SV2B: variants seen among roughly 807,000 people sequenced by gnomAD.
The protein encoded by SV2B is synaptic vesicle glycoprotein 2B, also known as solute carrier family 22 member B2.
SV2B carries 41 observed loss-of-function variants against 73.9 expected under a neutral mutation model. The observed-to-expected ratio is 0.56, with a 90% CI of 0.43 to 0.72. SV2B has a LOEUF of 0.72. Among genes scored for constraint, SV2B ranks in the 30% least tolerant of loss-of-function variants. The pLI, the probability that SV2B is intolerant of heterozygous loss-of-function variation, is 0.00. For missense variants in SV2B, 764 were observed against 857.8 expected, an observed-to-expected ratio of 0.89 and a Z score of 1.37; for synonymous variants, 314 against 314.2, an observed-to-expected ratio of 1.00 and a Z score of 0.01.
Position 91,263,150 on chromosome 15 carries a change from G to A in SV2B, c.1008+2741G>A, listed in dbSNP as rs553696036. Among the ~76,000 whole-genome samples, 63 of 146,262 alleles carry A rather than the reference G, an allele frequency of 4.3e-4. No individual in the cohort carries two copies. In the East Asian group the frequency reaches 6.0e-3, roughly 14 times the overall value. ...GAGACACACAGACACAGGGACACAC[G>A]GACACACATGAACACAGACACACAG... On this transcript the variant is annotated intron_variant, in intron 6 of 12. Coordinates refer to ENST00000394232, the MANE Select transcript of SV2B (RefSeq NM_001323032.3).
Position 91,296,148 on chromosome 15 carries a change from C to T in SV2B, c.*3596C>T, listed in dbSNP as rs1366066809. 6.6e-6 allele frequency: 1 copy of T among 151,984 alleles called. No homozygotes were observed. The highest frequency in any genetic ancestry group is 2.4e-5 in the African/African-American group (1 of 41,364). 9.4% of individuals were successfully genotyped at this position (151,984 alleles called of 1,614,324 possible). ...ATCGATTTTTACCTAATCAGTTTTA[C>T]AGAAAGGGTTACATGGAAGAAGAGA... On this transcript the variant is annotated 3_prime_UTR_variant, in exon 13 of 13. Coordinates refer to ENST00000394232, the MANE Select transcript of SV2B (RefSeq NM_001323032.3).
Position 91,283,113 on chromosome 15 carries a change from G to A in SV2B, c.1508-908G>A, listed in dbSNP as rs1457712122. 2.6e-5 allele frequency among the ~76,000 whole-genome samples: 4 copies of A among 152,198 alleles called. No individual in the cohort carries two copies. Among genetic ancestry groups the A allele is most frequent in the African/African-American group, 9.7e-5 (4 of 41,450 alleles). On this transcript the variant is annotated intron_variant, in intron 10 of 12. Transcript: ENST00000394232. The surrounding 1 kb of genome is among the most constrained non-coding windows in gnomAD (Gnocchi z 4.3). ...TAGAGCCTCAGGGAGGTTAAAGAGG[G>A]TCAGCAGCAGGGCCAGCTCCCCAAA...
rs968472430 is a variant in SV2B at position 91,129,364 on chromosome 15, G to A, written c.-392+29001G>A. ...AAGGAAGGCTGTGGCAAAGGTATACGTAAAATGCAGGGTTGTGATGAAGGG... is the reference window on the plus strand; with the variant it reads ...AAGGAAGGCTGTGGCAAAGGTATACATAAAATGCAGGGTTGTGATGAAGGG... On this transcript the variant is annotated intron_variant, in intron 1 of 12. Coordinates refer to ENST00000394232, the MANE Select transcript of SV2B (RefSeq NM_001323032.3). This position sits in a 1 kb window ranked among gnomAD's most constrained non-coding sequence, Gnocchi z 5.1. Among the ~76,000 whole-genome samples, 2 of 152,214 alleles carry A rather than the reference G, an allele frequency of 1.3e-5. No individual in the cohort carries two copies. Among genetic ancestry groups the A allele is most frequent in the African/African-American group, 2.4e-5 (1 of 41,462 alleles).
At chr15:91,222,034 A>C (rs2046236991) in intron 1 of SV2B, among the ~76,000 whole-genome samples, 1 of 152,094 alleles carries the variant, frequency 6.6e-6, no homozygotes, top group South Asian at 2.1e-4. Flanking sequence ...TCCTGCCTCC[A>C]TGCCTCTGCA....
rs2048788268 is a variant in SV2B, at chr15:91,284,313, A to G, written c.1708+92A>G. On this transcript the variant is annotated intron_variant, in intron 11 of 12. Transcript: ENST00000394232. The surrounding 1 kb of genome is among the most constrained non-coding windows in gnomAD (Gnocchi z 4.5). Reference sequence around the variant, plus strand: ...ACAGGGAAATTTTCCCTTTTATTAAATAATTCTTGCACAACAAACCCAACA... The same window carrying G: ...ACAGGGAAATTTTCCCTTTTATTAAGTAATTCTTGCACAACAAACCCAACA... 1 of 1,406,660 alleles carries G rather than the reference A, an allele frequency of 7.1e-7. No individual in the cohort carries two copies. The highest frequency in any genetic ancestry group is 9.8e-7 in the Non-Finnish European group (1 of 1,019,522). The allele number at this position is 1,406,660 out of a possible 1,614,324, so 87.1% of individuals were successfully genotyped here.
At chr15:91,218,324 A>G (rs6496772) in intron 1 of SV2B, among the ~76,000 whole-genome samples, 39,351 of 151,788 alleles carry the variant, frequency 0.26, 9,054 homozygotes, top group African/African-American at 0.62. Flanking sequence ...TCCTGTGGGT[A>G]TAGGGTGGGC....
In SV2B at chr15:91,223,660, A is replaced by G. The variant is rs2046286558; in HGVS notation, c.-391-2213A>G. Among the ~76,000 whole-genome samples the G allele has an allele frequency of 6.6e-6, 1 of 152,210 alleles. No individual in the cohort carries two copies. The highest frequency in any genetic ancestry group is 1.5e-5 in the Non-Finnish European group (1 of 68,042). On this transcript the variant is annotated intron_variant, in intron 1 of 12. Transcript: ENST00000394232. The surrounding 1 kb of genome is among the most constrained non-coding windows in gnomAD (Gnocchi z 4.6). ...CTCTGCAAACTCTCCTGCTGTTTAC[A>G]TGTGACTTATATTCCGCCGGTGGTC...
At chr15:91,213,106 T>A (rs1383746369) in intron 1 of SV2B, among the ~76,000 whole-genome samples, 2 of 151,862 alleles carry the variant, frequency 1.3e-5, no homozygotes, top group Non-Finnish European at 2.9e-5. Context: ...TGAACTGAGA[T>A]CGTGCCACTG....
At position 91,280,102 on chromosome 15, in the gene SV2B, A is replaced by G. The variant is rs1285484461; in HGVS notation, c.1374-1626A>G. On this transcript the variant is annotated intron_variant, in intron 9 of 12. Transcript: ENST00000394232. The surrounding 1 kb of genome is among the most constrained non-coding windows in gnomAD (Gnocchi z 5.8). ...AATGACATCTTTAATAATAACCTCA[A>G]GTTTATTCTGATGCAAGTGGTCTGG... 6.6e-6 allele frequency among the ~76,000 whole-genome samples: 1 copy of G among 152,196 alleles called. No individual in the cohort carries two copies. Among genetic ancestry groups the G allele is most frequent in the Non-Finnish European group, 1.5e-5 (1 of 68,042 alleles).
Position 91,258,625 on chromosome 15 carries a change from C to G in SV2B, c.918+71C>G. Reference sequence around the variant, plus strand: ...CAGGAACCCAGCCTCGCTTCCTTCTCTCAGCTCCTAGTCCCACATCCTCTG... The same window carrying G: ...CAGGAACCCAGCCTCGCTTCCTTCTGTCAGCTCCTAGTCCCACATCCTCTG... On this transcript the variant is annotated intron_variant, in intron 5 of 12. Transcript: ENST00000394232. The surrounding 1 kb of genome is among the most constrained non-coding windows in gnomAD (Gnocchi z 4.7). The G allele has an allele frequency of 6.2e-7, 1 of 1,602,230 alleles. No homozygotes were observed. Among genetic ancestry groups the G allele is most frequent in the South Asian group, 1.1e-5 (1 of 89,054 alleles).
intron 9 of SV2B, among the ~76,000 whole-genome samples, chr15:91,276,603 A>G (rs546195043): frequency 2.8e-4 from 42 of 151,924 alleles, no homozygotes; most frequent in Non-Finnish European, 4.4e-5. Flanking sequence ...TAATGAGTCT[A>G]TCAACGACAT....
rs1230842259 is a variant in SV2B, at chr15:91,105,268, T to C, written c.-392+4905T>C. Reference sequence around the variant, plus strand: ...GGAAAGGAAGATGGGGGGTGCCTTGTTGTGTTGGAGTGGGAGGGTAGGGTA... The same window carrying C: ...GGAAAGGAAGATGGGGGGTGCCTTGCTGTGTTGGAGTGGGAGGGTAGGGTA... On this transcript the variant is annotated intron_variant, in intron 1 of 12. Transcript: ENST00000394232. This position sits in a 1 kb window ranked among gnomAD's most constrained non-coding sequence, Gnocchi z 5.5. Among the ~76,000 whole-genome samples the C allele has an allele frequency of 6.6e-6, 1 of 152,080 alleles. No homozygotes were observed. Among genetic ancestry groups the C allele is most frequent in the Non-Finnish European group, 1.5e-5 (1 of 68,016 alleles).
In SV2B at chr15:91,118,427, G is replaced by A. The variant is rs546362071; in HGVS notation, c.-392+18064G>A. Among the ~76,000 whole-genome samples, 3 of 152,340 alleles carry A rather than the reference G, an allele frequency of 2.0e-5. No individual in the cohort carries two copies. The highest frequency in any genetic ancestry group is 2.1e-4 in the South Asian group (1 of 4,826). ...GATGGGTGGTAGTACAGTGCTAAGGGAAGAAAAGAACATTTTTTCCTTTGC... is the reference window on the plus strand; with the variant it reads ...GATGGGTGGTAGTACAGTGCTAAGGAAAGAAAAGAACATTTTTTCCTTTGC... On this transcript the variant is annotated intron_variant, in intron 1 of 12. Coordinates refer to ENST00000394232, the MANE Select transcript of SV2B (RefSeq NM_001323032.3). This position sits in a 1 kb window ranked among gnomAD's most constrained non-coding sequence, Gnocchi z 4.7.
chr15:91,204,634 G>A (rs1176782799), intron 1 of SV2B, among the ~76,000 whole-genome samples: 1 of 146,334 alleles, frequency 6.8e-6, no homozygotes, highest in Non-Finnish European at 1.5e-5. Flanking sequence ...ACAGCTCACT[G>A]TAGCCTTGAA....
chr15:91,117,511 G>T (rs947621394), intron 1 of SV2B, among the ~76,000 whole-genome samples: 1 of 152,154 alleles, frequency 6.6e-6, no homozygotes, highest in Non-Finnish European at 1.5e-5. Context: ...TCTCCTTCAT[G>T]CTGTAAGTCA....
chr15:91,112,743 A>G (rs2042072181), intron 1 of SV2B, among the ~76,000 whole-genome samples: 1 of 152,222 alleles, frequency 6.6e-6, no homozygotes, highest in Non-Finnish European at 1.5e-5. Flanking sequence ...GACATATTAC[A>G]GACCATCTAG....
rs2049369514 is a variant in SV2B, at chr15:91,299,548, A to T, written c.*6996A>T. 6.6e-6 allele frequency: 1 copy of T among 152,254 alleles called. No homozygotes were observed. Among genetic ancestry groups the T allele is most frequent in the South Asian group, 2.1e-4 (1 of 4,836 alleles). 9.4% of individuals were successfully genotyped at this position (152,254 alleles called of 1,614,324 possible). On this transcript the variant is annotated 3_prime_UTR_variant, in exon 13 of 13. Coordinates refer to ENST00000394232, the MANE Select transcript of SV2B (RefSeq NM_001323032.3). Reference sequence around the variant, plus strand: ...GCTGAGTTATAACAAGTGTCTCAGGACGAGGATATTTGGTAGGTATCCTTA... The same window carrying T: ...GCTGAGTTATAACAAGTGTCTCAGGTCGAGGATATTTGGTAGGTATCCTTA...
At chr15:91,135,601 G>A (rs963419066) in intron 1 of SV2B, among the ~76,000 whole-genome samples, 6 of 152,188 alleles carry the variant, frequency 3.9e-5, no homozygotes, top group South Asian at 2.1e-4. Context: ...GTAAAACAGC[G>A]TCTGTCTGAT....
chr15:91,131,200 G>A (rs113837405), intron 1 of SV2B, among the ~76,000 whole-genome samples: 1,875 of 144,714 alleles, frequency 0.013, 62 homozygotes, highest in African/African-American at 0.045. Flanking sequence ...TTGTTGCCCA[G>A]GCTAGTCTTG....
Sources: allele counts gnomAD v4.1 joint callset (sites outside exome capture counted in the v4.1 genomes callset), GRCh38; gene constraint gnomAD v4.1.1; non-coding constraint Gnocchi (gnomAD v3.1); transcripts MANE v1.5; gene names NCBI Gene and HGNC (gene_info 2026-07-23, HGNC 2026-07-21).